The following STPG2 variants were observed in gnomAD, a reference collection of about 807,000 sequenced individuals.
STPG2 encodes the protein sperm tail PG-rich repeat containing 2.
A neutral mutation model predicts 54.2 loss-of-function variants in STPG2; 56 were observed. The ratio of observed to expected loss-of-function variants is 1.03; its 90% confidence interval spans 0.83 to 1.29. The LOEUF is 1.29. Among genes scored for constraint, STPG2 ranks in the 50% most tolerant of loss-of-function variants. The probability of loss-of-function intolerance (pLI) is 0.00; values close to 1 mark genes in which losing one functional copy is unlikely to be tolerated. For synonymous variants in STPG2, 200 were observed against 181.8 expected, an observed-to-expected ratio of 1.10 and a Z score of -0.81; for missense variants, 596 against 544.9, an observed-to-expected ratio of 1.09 and a Z score of -0.93.
At chr4:97,946,560 G>C (rs1183565396) in intron 7 of STPG2, among the ~76,000 whole-genome samples, 1 of 151,946 alleles carries the variant, frequency 6.6e-6, no homozygotes, top group Non-Finnish European at 1.5e-5. Flanking sequence ...ATCTTGAGTT[G>C]CTTTTTATAT....
intron 10 of STPG2, among the ~76,000 whole-genome samples, chr4:97,687,464 A>G (rs1355364859): frequency 6.6e-6 from 1 of 151,812 alleles, no homozygotes; most frequent in East Asian, 1.9e-4. Context: ...CTCAGCTTCC[A>G]GAATAGCTGG....
chr4:97,983,385 G>T (rs1391129802), intron 5 of STPG2, among the ~76,000 whole-genome samples: 2 of 152,176 alleles, frequency 1.3e-5, no homozygotes, highest in East Asian at 3.8e-4. Flanking sequence ...AAGTTTGGGA[G>T]GAGTCAAAAG....
At chr4:97,718,972 C>G (rs1393885274) in intron 9 of STPG2, among the ~76,000 whole-genome samples, 3 of 151,848 alleles carry the variant, frequency 2.0e-5, no homozygotes, top group African/African-American at 4.8e-5. Flanking sequence ...CAAGCATCAA[C>G]GTGATGCTCA....
chr4:97,697,885 T>C (rs1723636248), intron 10 of STPG2, among the ~76,000 whole-genome samples: 1 of 152,226 alleles, frequency 6.6e-6, no homozygotes. Context: ...TCCCTTTGTT[T>C]CGGCCCATCC....
chr4:97,459,812 GTAAAATC>G (rs1729618615), intron 4 of STPG2, among the ~76,000 whole-genome samples: 1 of 152,084 alleles, frequency 6.6e-6, no homozygotes. Context: ...TTCGAGTTTT[GTAAAATC>G]TATATTAGTG....
intron 5 of STPG2, among the ~76,000 whole-genome samples, chr4:98,062,769 G>T (rs1050785350): frequency 6.6e-6 from 1 of 151,998 alleles, no homozygotes; most frequent in Non-Finnish European, 1.5e-5. Flanking sequence ...GGCAAAAACC[G>T]CAATTACTTT....
chr4:97,552,404 T>C (rs761204771), intron 4 of STPG2, among the ~76,000 whole-genome samples: 2 of 152,142 alleles, frequency 1.3e-5, no homozygotes, highest in Non-Finnish European at 2.9e-5. Flanking sequence ...TAGAAATTTA[T>C]GGGACAGTAA....
At chr4:97,539,848 G>C (rs566113882) in intron 4 of STPG2, among the ~76,000 whole-genome samples, 26 of 152,114 alleles carry the variant, frequency 1.7e-4, no homozygotes, top group Non-Finnish European at 3.2e-4. Flanking sequence ...CAACTACATG[G>C]AATCTGAACA....
At chr4:98,091,914 A>G (rs572701612) in intron 5 of STPG2, among the ~76,000 whole-genome samples, 8 of 152,178 alleles carry the variant, frequency 5.3e-5, no homozygotes, top group African/African-American at 1.7e-4. Flanking sequence ...GGAGCAAGAA[A>G]TTGAATGCAG....
intron 6 of STPG2, among the ~76,000 whole-genome samples, chr4:97,978,881 C>G (rs1309246655): frequency 1.3e-5 from 2 of 152,082 alleles, no homozygotes; most frequent in African/African-American, 4.8e-5. Flanking sequence ...ATGGTAATCC[C>G]TCATAGAACT....
At chr4:97,863,687 C>T (rs1729649307) in intron 8 of STPG2, among the ~76,000 whole-genome samples, 1 of 152,046 alleles carries the variant, frequency 6.6e-6, no homozygotes, top group Non-Finnish European at 1.5e-5. Flanking sequence ...AACATTGACA[C>T]AAAAATCCTC....
intron 10 of STPG2, among the ~76,000 whole-genome samples, chr4:97,632,491 C>T (rs927571049): frequency 4.6e-5 from 7 of 152,042 alleles, no homozygotes; most frequent in Admixed American, 2.0e-4. Context: ...CTAATAATGA[C>T]TTTATGCCTT....
intron 7 of STPG2, among the ~76,000 whole-genome samples, chr4:97,961,008 A>T (rs1252874373): frequency 6.6e-6 from 1 of 152,120 alleles, no homozygotes; most frequent in East Asian, 1.9e-4. Flanking sequence ...TGCATAGATC[A>T]ATGGAACAGA....
rs560964239 is a variant in STPG2 at position 97,942,139 on chromosome 4, G to A, written c.1044+1758C>T. ...ATACGTTTTAAATATATATATGTGT[G>A]TATATATATATATATTTAAAACGTA... On this transcript the variant is annotated intron_variant, in intron 8 of 10. Coordinates refer to ENST00000295268, the MANE Select transcript of STPG2 (RefSeq NM_174952.3). Among the ~76,000 whole-genome samples, 311 of 147,716 alleles carry A rather than the reference G, an allele frequency of 2.1e-3. 1 individual carries two copies. Among genetic ancestry groups the A allele is most frequent in the African/African-American group, 7.3e-3 (295 of 40,454 alleles).
At chr4:98,031,453 C>T (rs143736983) in intron 5 of STPG2, among the ~76,000 whole-genome samples, 6 of 152,074 alleles carry the variant, frequency 3.9e-5, no homozygotes, top group South Asian at 2.1e-4. Context: ...CTGAGATGGG[C>T]GGATCACAAG....
At chr4:97,486,860 A>AACAC (rs772458069) in intron 4 of STPG2, among the ~76,000 whole-genome samples, 7,170 of 125,510 alleles carry the variant, frequency 0.057, 252 homozygotes, top group African/African-American at 0.098. Context: ...TATGTATACA[A>AACAC]ACACACACAC....
At chr4:98,015,882 G>A (rs10025469) in intron 5 of STPG2, among the ~76,000 whole-genome samples, 59,691 of 151,628 alleles carry the variant, frequency 0.39, 11,986 homozygotes, top group Middle Eastern at 0.46. Flanking sequence ...CAGCCATAAA[G>A]AAGGATGAGT....
chr4:97,669,347 T>C (rs1052695163), intron 10 of STPG2, among the ~76,000 whole-genome samples: 9 of 152,198 alleles, frequency 5.9e-5, no homozygotes, highest in Non-Finnish European at 1.0e-4. Flanking sequence ...TGACTAATAA[T>C]GCTTCTATTG....
At chr4:97,562,609 A>G (rs578151141) in intron 10 of STPG2, among the ~76,000 whole-genome samples, 2 of 152,172 alleles carry the variant, frequency 1.3e-5, no homozygotes, top group Non-Finnish European at 2.9e-5. Context: ...ATTTTGAGAT[A>G]CTTCCCATCA....
Sources: gnomAD v4.1 joint callset for allele counts (sites outside exome capture counted in the v4.1 genomes callset) on GRCh38, gnomAD v4.1.1 for gene constraint, MANE v1.5 for transcripts, NCBI Gene and HGNC (gene_info 2026-07-23, HGNC 2026-07-21) for gene names.